ATP8B4: variants seen among roughly 807,000 people sequenced by gnomAD.
ATP8B4 encodes the protein probable phospholipid-transporting ATPase IM.
In ATP8B4, 133 loss-of-function variants were observed where a neutral mutation model predicts 145.6. The ratio of observed to expected loss-of-function variants is 0.91; its 90% CI spans 0.79 to 1.05. The LOEUF is 1.05. ATP8B4 is among the 50% of genes least tolerant of loss of function. The pLI, the probability that ATP8B4 is intolerant of heterozygous loss-of-function variation, is 0.00. For missense variants in ATP8B4, 1,458 were observed against 1,425.2 expected (o/e 1.02, Z -0.37); for synonymous variants, 507 against 492.9 (o/e 1.03, Z -0.38).
At position 50,164,941 on chromosome 15, in the gene ATP8B4, C is replaced by T. The variant is rs540294623; in HGVS notation, c.-43+17320G>A. ...TGCTCTCCTCCCAAGCACATAGACTCTTTCTCCATGCCATAAGGCTTCTGC... is the reference window on the plus strand; with the variant it reads ...TGCTCTCCTCCCAAGCACATAGACTTTTTCTCCATGCCATAAGGCTTCTGC... On this transcript the variant is annotated intron_variant, in intron 1 of 3. Coordinates refer to the ATP8B4 transcript ENST00000558829. 3.9e-5 allele frequency among the ~76,000 whole-genome samples: 6 copies of T among 152,354 alleles called. No homozygotes were observed. The South Asian group carries it at 1.2e-3, about 32-fold the overall frequency.
intron 2 of ATP8B4, among the ~76,000 whole-genome samples, chr15:50,078,399 T>A (rs1250933957): frequency 7.3e-5 from 11 of 151,526 alleles, no homozygotes; most frequent in African/African-American, 2.4e-4. Flanking sequence ...CAAGCTAATA[T>A]AAACAAAGAA....
chr15:49,985,344 C>T (rs1477528758), intron 10 of ATP8B4, among the ~76,000 whole-genome samples: 5 of 152,176 alleles, frequency 3.3e-5, no homozygotes, highest in African/African-American at 1.2e-4. Flanking sequence ...GATCCACCCG[C>T]CTCAGCCTCC....
At chr15:49,987,247 C>T (rs1353539379) in intron 10 of ATP8B4, 144 bp downstream of exon 10, 2 of 982,304 alleles carry the variant, frequency 2.0e-6, no homozygotes, top group Middle Eastern at 3.4e-4. Flanking sequence ...CTCCTGGCAT[C>T]CTACAATCTT....
chr15:49,861,102 A>G (rs982697532), intron 27 of ATP8B4, among the ~76,000 whole-genome samples: 22 of 127,346 alleles, frequency 1.7e-4, no homozygotes, highest in African/African-American at 5.9e-4. Context: ...CTGTAAAGCT[A>G]AGGAGAAAAA....
intron 14 of ATP8B4, among the ~76,000 whole-genome samples, chr15:49,953,914 C>G (rs777278709): frequency 2.6e-5 from 4 of 152,176 alleles, no homozygotes; most frequent in Non-Finnish European, 4.4e-5. Flanking sequence ...CCTCCCTTGG[C>G]TGGAGGCAGG....
intron 20 of ATP8B4, chr15:49,901,717 C>CTT (rs143424523): frequency 0.077 from 28,924 of 375,270 alleles, 1,315 homozygotes; most frequent in Middle Eastern, 0.1. Flanking sequence ...TACGATCCAG[C>CTT]TTAAAATAGT....
chr15:49,862,480 G>GCAAGACTCCATC, intron 26 of ATP8B4, 105 bp from the exon 27 acceptor site: 1 of 1,249,564 alleles, frequency 8.0e-7, no homozygotes, highest in Non-Finnish European at 1.1e-6. Flanking sequence ...TTGAGATGGA[G>GCAAGACTCCATC]TCTTGCTCTG....
chr15:50,040,416 T>G (rs573258276), intron 5 of ATP8B4, among the ~76,000 whole-genome samples: 12 of 152,280 alleles, frequency 7.9e-5, no homozygotes, highest in African/African-American at 2.9e-4. Context: ...CCCACACCCT[T>G]TGTGAATGAT....
At chr15:49,910,614 A>C (rs553692297) in intron 20 of ATP8B4, among the ~76,000 whole-genome samples, 3 of 152,278 alleles carry the variant, frequency 2.0e-5, no homozygotes, top group Admixed American at 1.3e-4. Context: ...GCATCTAGTC[A>C]CCTATAAAGG....
Position 49,931,375 on chromosome 15 carries a change from A to G in ATP8B4, c.1454-68T>C, listed in dbSNP as rs549349156. 4.2e-6 allele frequency: 6 copies of G among 1,435,712 alleles called. No individual in the cohort carries two copies. The African/African-American group carries it at 4.3e-5, about 10-fold the overall frequency. The allele number at this position is 1,435,712 out of a possible 1,614,324, so 88.9% of individuals were successfully genotyped here. A position where few individuals can be genotyped will look rare whatever the true frequency, so the allele number is the denominator to read the frequency against. On this transcript the variant is annotated intron_variant, in intron 15 of 27. Transcript: ENST00000284509. The stretch of plus-strand genomic sequence containing the variant: ...TAACATTCATAGAGTTCCAATGCCA[A>G]CTCCAACTCAGTATTTAACACCCAA...
intron 13 of ATP8B4, among the ~76,000 whole-genome samples, chr15:49,969,297 A>T (rs28877101): frequency 0.078 from 11,942 of 152,264 alleles, 511 homozygotes; most frequent in Middle Eastern, 0.099. Flanking sequence ...AAGGAGATAG[A>T]GACACGAAAA....
At chr15:49,895,325 G>A (rs1392987200) in intron 23 of ATP8B4, 2 of 152,264 alleles carry the variant, frequency 1.3e-5, no homozygotes, top group African/African-American at 4.8e-5. Context: ...AGTTCTAGGG[G>A]CTAGAGCCCA....
intron 16 of ATP8B4, among the ~76,000 whole-genome samples, chr15:49,930,767 G>A (rs1396476769): frequency 2.0e-5 from 3 of 152,030 alleles, no homozygotes; most frequent in Non-Finnish European, 2.9e-5. Context: ...CTGTTAATGG[G>A]TATAAATATA....
At chr15:49,903,013 T>A (rs2038211801) in intron 20 of ATP8B4, among the ~76,000 whole-genome samples, 1 of 152,160 alleles carries the variant, frequency 6.6e-6, no homozygotes, top group South Asian at 2.1e-4. Flanking sequence ...GATTTTTTTC[T>A]CCTTAAACTG....
At chr15:49,913,427 G>C (rs1421795199) in intron 20 of ATP8B4, among the ~76,000 whole-genome samples, 1 of 152,058 alleles carries the variant, frequency 6.6e-6, no homozygotes. Context: ...TACTGAATGA[G>C]GAAGAGTTGA....
chr15:50,175,366 G>T (rs911313243), intron 1 of ATP8B4, among the ~76,000 whole-genome samples: 2 of 152,170 alleles, frequency 1.3e-5, no homozygotes, highest in East Asian at 3.8e-4. Flanking sequence ...TCCATAGAGT[G>T]GGAGAAAATC....
rs2046684376 is a variant in ATP8B4 at position 49,987,203 on chromosome 15, G to T, written c.748+188C>A. ...GTCAGTAGTTCCTCATACAGCAGGG[G>T]CCACCTGGACTATTTTCAGAGCAAT... is the stretch of plus-strand genomic sequence containing the variant. On this transcript the variant is annotated intron_variant, in intron 10 of 27. Coordinates refer to ENST00000284509, the MANE Select transcript of ATP8B4 (RefSeq NM_024837.4). Among the ~76,000 whole-genome samples the T allele has an allele frequency of 4.6e-5, 7 of 152,144 alleles. No individual in the cohort carries two copies. The South Asian group carries it at 1.5e-3, about 32-fold the overall frequency.
chr15:50,030,066 T>C (rs2050317661), intron 6 of ATP8B4, among the ~76,000 whole-genome samples: 1 of 152,190 alleles, frequency 6.6e-6, no homozygotes, highest in South Asian at 2.1e-4. Context: ...TGAAACCAAA[T>C]TTCTTCACTA....
At chr15:49,909,722 CAAAAAAAAA>C (rs995336781) in intron 20 of ATP8B4, among the ~76,000 whole-genome samples, 1 of 72,018 alleles carries the variant, frequency 1.4e-5, no homozygotes, top group Non-Finnish European at 2.7e-5. Context: ...CTTTGTTTAC[CAAAAAAAAA>C]AAAAAAAAAA....
Sources: gnomAD v4.1 joint callset for allele counts (sites outside exome capture counted in the v4.1 genomes callset) on GRCh38, gnomAD v4.1.1 for gene constraint, MANE v1.5 for transcripts, NCBI Gene and HGNC (gene_info 2026-07-23, HGNC 2026-07-21) for gene names.